The following ZDHHC17 variants were observed in gnomAD, a reference collection of about 807,000 sequenced individuals.
ZDHHC17 encodes the protein palmitoyltransferase ZDHHC17.
ZDHHC17 carries 40 observed loss-of-function variants against 90.3 expected under a neutral mutation model. The observed-to-expected ratio is 0.44, with a 90% confidence interval of 0.34 to 0.58. The LOEUF (loss-of-function observed/expected upper bound fraction) is 0.58. Ranked by LOEUF, ZDHHC17 falls within the 20% of genes least tolerant of loss-of-function variation. The pLI, the probability that ZDHHC17 is intolerant of heterozygous loss-of-function variation, is 0.01. For missense variants in ZDHHC17, 614 were observed against 780.8 expected, an observed-to-expected ratio of 0.79 and a Z score of 2.55; for synonymous variants, 235 against 252.4, an observed-to-expected ratio of 0.93 and a Z score of 0.65.
Position 76,764,158 on chromosome 12 carries a change from T to C in ZDHHC17, c.-79T>C, listed in dbSNP as rs1035873504. ...GAAGGAGGAGGAGGCCCGCGTCGCCTCCGGCGGGGCTCGCGCTCGCCCCGC... is the reference window on the plus strand; with the variant it reads ...GAAGGAGGAGGAGGCCCGCGTCGCCCCCGGCGGGGCTCGCGCTCGCCCCGC... On this transcript the variant is annotated 5_prime_UTR_variant, in exon 1 of 17. Coordinates refer to ENST00000426126, the MANE Select transcript of ZDHHC17 (RefSeq NM_015336.4). 12 of 1,156,994 alleles carry C rather than the reference T, an allele frequency of 1.0e-5. No homozygotes were observed. The highest frequency in any genetic ancestry group is 1.4e-5 in the Non-Finnish European group (12 of 837,330). The allele number at this position is 1,156,994 out of a possible 1,614,324, so 71.7% of individuals were successfully genotyped here. A position where few individuals can be genotyped will look rare whatever the true frequency, so the allele number is the denominator to read the frequency against.
At chr12:76,848,136 G>A (rs906432635) in intron 14 of ZDHHC17, 97 bp from the exon 15 acceptor site, 390 of 1,287,616 alleles carry the variant, frequency 3.0e-4, no homozygotes, top group Non-Finnish European at 1.9e-4. Context: ...AATCTAGACT[G>A]TTTGACTATG....
intron 1 of ZDHHC17, among the ~76,000 whole-genome samples, chr12:76,768,521 T>C (rs1188445316): frequency 1.3e-5 from 2 of 152,232 alleles, no homozygotes; most frequent in Non-Finnish European, 2.9e-5. Flanking sequence ...AATAACTAGT[T>C]GGGAAGTTGT....
intron 5 of ZDHHC17, among the ~76,000 whole-genome samples, chr12:76,811,645 C>T (rs1343662868): frequency 6.6e-6 from 1 of 151,500 alleles, no homozygotes; most frequent in Admixed American, 6.6e-5. Flanking sequence ...TTTTTTTCTG[C>T]ACACAAAGAT....
chr12:76,849,829 C>T (rs1390690820), intron 16 of ZDHHC17, among the ~76,000 whole-genome samples: 1 of 152,182 alleles, frequency 6.6e-6, no homozygotes. Context: ...TTCTGGAAAG[C>T]AAGCAGACCT....
At chr12:76,817,380 A>C (rs1341288030) in intron 7 of ZDHHC17, among the ~76,000 whole-genome samples, 1 of 152,094 alleles carries the variant, frequency 6.6e-6, no homozygotes, top group African/African-American at 2.4e-5. Context: ...GCCATTCCTA[A>C]GGTGATCATG....
intron 2 of ZDHHC17, among the ~76,000 whole-genome samples, chr12:76,798,877 G>A (rs1592472644): frequency 6.6e-6 from 1 of 152,264 alleles, no homozygotes; most frequent in East Asian, 1.9e-4. Context: ...TGGTGCCAAA[G>A]CATTCATTAA....
chr12:76,774,309 T>TACAC (rs555009020), intron 1 of ZDHHC17, among the ~76,000 whole-genome samples: 1 of 149,050 alleles, frequency 6.7e-6, no homozygotes, highest in Non-Finnish European at 1.5e-5. Context: ...TATATATATA[T>TACAC]ACACACACAC....
At chr12:76,823,112 T>G (rs968396418) in intron 8 of ZDHHC17, among the ~76,000 whole-genome samples, 1 of 152,194 alleles carries the variant, frequency 6.6e-6, no homozygotes, top group Non-Finnish European at 1.5e-5. Flanking sequence ...GCTACTCGTG[T>G]ACATTTTGGT....
intron 10 of ZDHHC17, among the ~76,000 whole-genome samples, chr12:76,832,311 C>G (rs1953313396): frequency 6.6e-6 from 1 of 152,196 alleles, no homozygotes; most frequent in South Asian, 2.1e-4. Context: ...AGGCTCCTTT[C>G]TGTTGCTTTT....
At chr12:76,824,509 A>G (rs954056626) in intron 8 of ZDHHC17, among the ~76,000 whole-genome samples, 1 of 152,012 alleles carries the variant, frequency 6.6e-6, no homozygotes, top group Non-Finnish European at 1.5e-5. Context: ...TTCAGTCATT[A>G]ACATGTTTTG....
intron 1 of ZDHHC17, among the ~76,000 whole-genome samples, chr12:76,786,539 A>G (rs11115377): frequency 2.0e-5 from 3 of 152,138 alleles, no homozygotes; most frequent in African/African-American, 7.2e-5. Flanking sequence ...TACAGGCATG[A>G]GTCACTGTGC....
intron 13 of ZDHHC17, 84 bp from the exon 14 acceptor site, chr12:76,846,512 A>C (rs938277763): frequency 5.3e-6 from 5 of 951,544 alleles, no homozygotes; most frequent in Non-Finnish European, 8.1e-6. Context: ...ACTGTAGCAC[A>C]CCTTTCATGG....
intron 1 of ZDHHC17, among the ~76,000 whole-genome samples, chr12:76,771,521 G>C (rs11115310): frequency 0.011 from 1,682 of 152,210 alleles, 11 homozygotes; most frequent in Non-Finnish European, 0.017. Flanking sequence ...AACAGTACCT[G>C]AGACATTTTT....
intron 1 of ZDHHC17, among the ~76,000 whole-genome samples, chr12:76,793,017 A>T (rs1444149019): frequency 2.0e-5 from 3 of 152,210 alleles, no homozygotes; most frequent in Non-Finnish European, 2.9e-5. Flanking sequence ...CTAGCTAGCT[A>T]TGGCTGATCA....
At chr12:76,808,180 C>T (rs181488134) in intron 3 of ZDHHC17, among the ~76,000 whole-genome samples, 12 of 152,226 alleles carry the variant, frequency 7.9e-5, no homozygotes, top group South Asian at 4.1e-4. Flanking sequence ...CATTACTGAT[C>T]TAGAGCAGTA....
intron 2 of ZDHHC17, among the ~76,000 whole-genome samples, chr12:76,798,336 G>T (rs1466041661): frequency 6.6e-6 from 1 of 152,146 alleles, no homozygotes; most frequent in African/African-American, 2.4e-5. Context: ...ATAATGCAAA[G>T]TATATGGAAG....
rs902771741 is a variant in ZDHHC17 at position 76,815,012 on chromosome 12, G to A, written c.544-134G>A. The stretch of plus-strand genomic sequence containing the variant: ...TTTCATTTTAAAGTTAAGAAAGAAA[G>A]TTTCATACATTATCCTTGATTGAGT... On this transcript the variant is annotated intron_variant, in intron 5 of 16. Coordinates refer to ENST00000426126, the MANE Select transcript of ZDHHC17 (RefSeq NM_015336.4). 3.3e-5 allele frequency: 17 copies of A among 510,952 alleles called. No homozygotes were observed. The Admixed American group carries it at 5.2e-4, about 15-fold the overall frequency. The allele number at this position is 510,952 out of a possible 1,614,324, so 31.7% of individuals were successfully genotyped here.
intron 2 of ZDHHC17, among the ~76,000 whole-genome samples, chr12:76,800,739 C>G (rs1259921933): frequency 6.6e-6 from 1 of 152,066 alleles, no homozygotes; most frequent in Non-Finnish European, 1.5e-5. Flanking sequence ...GCCTTTGGAT[C>G]TAAAGTGTGT....
intron 2 of ZDHHC17, among the ~76,000 whole-genome samples, chr12:76,800,782 T>A (rs1317223802): frequency 6.6e-6 from 1 of 152,148 alleles, no homozygotes; most frequent in East Asian, 1.9e-4. Flanking sequence ...GGGTCTTTTT[T>A]ACCCCAGTCT....
Sources: allele counts gnomAD v4.1 joint callset (sites outside exome capture counted in the v4.1 genomes callset), GRCh38; gene constraint gnomAD v4.1.1; transcripts MANE v1.5; gene names NCBI Gene and HGNC (gene_info 2026-07-23, HGNC 2026-07-21).